SNX7: variants seen among roughly 807,000 people sequenced by gnomAD.
SNX7 encodes the protein sorting nexin 7, also known as sorting nexin-7.
SNX7 carries 35 observed loss-of-function variants against 48.4 expected under a neutral mutation model. That is an observed-to-expected ratio of 0.72 (90% CI 0.55 to 0.96). The LOEUF is 0.96. Among genes scored for constraint, SNX7 ranks in the 40% least tolerant of loss-of-function variants. SNX7 has a pLI of 0.00. For synonymous variants in SNX7, 190 were observed against 190.2 expected (o/e 1.00, Z 0.01); for missense variants, 553 against 548.9 (o/e 1.01, Z -0.07).
intron 3 of SNX7, 109 bp downstream of exon 3, chr1:98,691,294 A>C: frequency 1.6e-6 from 1 of 621,068 alleles, no homozygotes; most frequent in East Asian, 3.1e-5. Flanking sequence ...TAATTCATTT[A>C]TCTTAGGAAT....
At chr1:98,752,711 T>TA (rs1654647282) in intron 8 of SNX7, among the ~76,000 whole-genome samples, 1 of 152,076 alleles carries the variant, frequency 6.6e-6, no homozygotes, top group South Asian at 2.1e-4. Context: ...TCTGAGCACT[T>TA]ACCATATTCC....
At chr1:98,666,634 T>C (rs1649548812) in intron 1 of SNX7, among the ~76,000 whole-genome samples, 1 of 152,118 alleles carries the variant, frequency 6.6e-6, no homozygotes, top group African/African-American at 2.4e-5. Flanking sequence ...TATCTCTCAT[T>C]GTATATGCTC....
At chr1:98,738,539 A>G (rs541056256) in intron 8 of SNX7, 150 bp downstream of exon 8, 7 of 736,744 alleles carry the variant, frequency 9.5e-6, no homozygotes, top group African/African-American at 5.4e-5. Flanking sequence ...GTCAGTTACC[A>G]TTTGGTTTTG....
At chr1:98,723,973 T>G (rs556772779) in intron 7 of SNX7, among the ~76,000 whole-genome samples, 4 of 152,050 alleles carry the variant, frequency 2.6e-5, no homozygotes, top group Admixed American at 6.6e-5. Flanking sequence ...AAAAAAAAAT[T>G]ATAATGTTCT....
chr1:98,664,885 A>G (rs181277557), intron 1 of SNX7, among the ~76,000 whole-genome samples: 76 of 152,304 alleles, frequency 5.0e-4, no homozygotes, highest in Non-Finnish European at 9.6e-4. Context: ...TAAAAAAATA[A>G]AAAAGATACA....
At chr1:98,752,635 TC>T (rs1654644541) in intron 8 of SNX7, among the ~76,000 whole-genome samples, 1 of 152,068 alleles carries the variant, frequency 6.6e-6, no homozygotes, top group South Asian at 2.1e-4. Context: ...AGTGCAGTTT[TC>T]TGATGGCCAG....
chr1:98,698,936 G>A (rs1012150449), intron 6 of SNX7, 31 bp downstream of exon 6: 3 of 1,594,504 alleles, frequency 1.9e-6, no homozygotes, highest in Non-Finnish European at 2.6e-6. Context: ...TTTTACCTCA[G>A]TCCCTTACCT....
chr1:98,730,562 G>C (rs1179675890), intron 7 of SNX7, among the ~76,000 whole-genome samples: 1 of 152,002 alleles, frequency 6.6e-6, no homozygotes, highest in Non-Finnish European at 1.5e-5. Context: ...AAAGTCTCAG[G>C]ATACAAATAA....
intron 7 of SNX7, among the ~76,000 whole-genome samples, chr1:98,737,011 T>G (rs1299762159): frequency 1.3e-5 from 2 of 152,090 alleles, no homozygotes; most frequent in African/African-American, 2.4e-5. Context: ...TACCATAGAC[T>G]ACATGGCTCA....
intron 1 of SNX7, among the ~76,000 whole-genome samples, chr1:98,674,975 A>G (rs1233930641): frequency 6.6e-6 from 1 of 152,204 alleles, no homozygotes; most frequent in Non-Finnish European, 1.5e-5. Context: ...TGTCACACAG[A>G]TAATTTTTAT....
At chr1:98,718,714 C>A (rs1432376413) in intron 7 of SNX7, among the ~76,000 whole-genome samples, 1 of 152,130 alleles carries the variant, frequency 6.6e-6, no homozygotes, top group Non-Finnish European at 1.5e-5. Flanking sequence ...ATAAGCACAT[C>A]CTATTGTTAG....
intron 7 of SNX7, among the ~76,000 whole-genome samples, chr1:98,718,782 C>A (rs920919464): frequency 2.0e-5 from 3 of 152,080 alleles, no homozygotes; most frequent in Non-Finnish European, 4.4e-5. Context: ...AATATACATT[C>A]TGACTTTTTA....
At chr1:98,698,954 A>G (rs1181192055) in intron 6 of SNX7, 49 bp downstream of exon 6, 16 of 1,553,642 alleles carry the variant, frequency 1.0e-5, no homozygotes, top group Non-Finnish European at 1.3e-5. Flanking sequence ...CCTGATTATA[A>G]GCTCCATAAA....
intron 1 of SNX7, among the ~76,000 whole-genome samples, chr1:98,683,635 T>C (rs1650624453): frequency 6.6e-6 from 1 of 152,206 alleles, no homozygotes; most frequent in Non-Finnish European, 1.5e-5. Context: ...CACCAGACGC[T>C]GAATCTGCTG....
Position 98,695,680 on chromosome 1 carries a change from G to T in SNX7, c.802G>T (p.Asp268Tyr). 2 of 1,591,382 alleles carry T rather than the reference G, an allele frequency of 1.3e-6. No individual in the cohort carries two copies. The highest frequency in any genetic ancestry group is 2.2e-5 in the South Asian group (2 of 90,608). Reference sequence around the variant, plus strand: ...ATTTAGCCAGAAAATAAATTTGATAGATAAAATATCTCAGAGAATTTATAA... The same window carrying T: ...ATTTAGCCAGAAAATAAATTTGATATATAAAATATCTCAGAGAATTTATAA... ...ELFSQKINLI[D>Y]KISQRIYKEE... Residue 268 changes from aspartate (D) to tyrosine (Y), a missense_variant, in exon 5 of 9, where the codon GAT becomes TAT. Coordinates refer to ENST00000306121, the MANE Select transcript of SNX7 (RefSeq NM_015976.5).
At chr1:98,695,395 A>G in intron 4 of SNX7, 123 bp from the exon 5 acceptor site, 1 of 864,472 alleles carries the variant, frequency 1.2e-6, no homozygotes, top group Non-Finnish European at 1.8e-6. Context: ...TAACATTAAA[A>G]AAGATTGATG....
intron 2 of SNX7, among the ~76,000 whole-genome samples, chr1:98,685,294 G>T (rs1650733747): frequency 6.6e-6 from 1 of 152,012 alleles, no homozygotes; most frequent in Non-Finnish European, 1.5e-5. Context: ...TCATTTTATA[G>T]CAGCTATACT....
intron 8 of SNX7, among the ~76,000 whole-genome samples, chr1:98,741,265 G>T (rs1386928058): frequency 6.6e-6 from 1 of 152,078 alleles, no homozygotes; most frequent in Non-Finnish European, 1.5e-5. Flanking sequence ...GTCACAGATT[G>T]TTTAGAAATT....
rs147841592 is a variant in SNX7 at position 98,693,204 on chromosome 1, G to A, written c.639+1505G>A. 6.7e-3 allele frequency among the ~76,000 whole-genome samples: 1,017 copies of A among 151,478 alleles called. 7 individuals carry two copies. The highest frequency in any genetic ancestry group is 0.011 in the Non-Finnish European group (733 of 67,802). On this transcript the variant is annotated intron_variant, in intron 4 of 8. Coordinates refer to ENST00000306121, the MANE Select transcript of SNX7 (RefSeq NM_015976.5). ...TGGATGGATGGATGGATGGATGGACGGACAGATAGATAATATAATCTCCTT... is the reference window on the plus strand; with the variant it reads ...TGGATGGATGGATGGATGGATGGACAGACAGATAGATAATATAATCTCCTT...
Sources: allele counts gnomAD v4.1 joint callset (sites outside exome capture counted in the v4.1 genomes callset), GRCh38; gene constraint gnomAD v4.1.1; transcripts MANE v1.5; gene names NCBI Gene and HGNC (gene_info 2026-07-23, HGNC 2026-07-21).